Variants in GAB2 observed in about 807,000 individuals in gnomAD.
The protein encoded by GAB2 is GRB2 associated binding protein 2.
Under a neutral mutation model 65.5 loss-of-function variants are expected in GAB2, and 26 were observed. The ratio of observed to expected loss-of-function variants is 0.40; its 90% CI spans 0.29 to 0.55. GAB2 has a LOEUF of 0.55. Among genes scored for constraint, GAB2 ranks in the 20% least tolerant of loss-of-function variants. The probability of loss-of-function intolerance (pLI) is 0.53; values close to 1 mark genes in which losing one functional copy is unlikely to be tolerated. For missense variants in GAB2, 884 were observed against 875.8 expected, an observed-to-expected ratio of 1.01 and a Z score of -0.12; for synonymous variants, 321 against 329.6, an observed-to-expected ratio of 0.97 and a Z score of 0.28.
chr11:78,300,540 TACC>T (rs1235454243), intron 1 of GAB2, among the ~76,000 whole-genome samples: 16 of 40,830 alleles, frequency 3.9e-4, no homozygotes, highest in East Asian at 3.2e-3. Context: ...AACAAAAAAC[TACC>T]ACATTGTTTT....
At chr11:78,387,940 A>C (rs1856789406) in intron 1 of GAB2, 1 of 152,216 alleles carries the variant, frequency 6.6e-6, no homozygotes, top group South Asian at 2.1e-4. Flanking sequence ...CAAAATGGAG[A>C]AAATAAAAGT....
intron 1 of GAB2, among the ~76,000 whole-genome samples, chr11:78,409,301 A>G (rs1288847103): frequency 6.6e-6 from 1 of 152,174 alleles, no homozygotes; most frequent in African/African-American, 2.4e-5. Context: ...ATTGAACAAC[A>G]GGGCTGGGTG....
chr11:78,301,958 A>G (rs910743834), intron 1 of GAB2, among the ~76,000 whole-genome samples: 1 of 152,224 alleles, frequency 6.6e-6, no homozygotes, highest in Non-Finnish European at 1.5e-5. Flanking sequence ...CCTATTCAAC[A>G]AACAGTGCTG....
At chr11:78,309,980 G>GCA (rs1855461587) in intron 1 of GAB2, among the ~76,000 whole-genome samples, 2 of 150,440 alleles carry the variant, frequency 1.3e-5, no homozygotes, top group South Asian at 4.2e-4. Context: ...GTGCGCGCGC[G>GCA]CCTGTGTGTG....
At chr11:78,362,795 T>TAC (rs2051545229) in intron 1 of GAB2, among the ~76,000 whole-genome samples, 1 of 152,010 alleles carries the variant, frequency 6.6e-6, no homozygotes, top group East Asian at 1.9e-4. Flanking sequence ...ATAAAGCATA[T>TAC]ACATTACTCA....
At chr11:78,329,938 A>G (rs972651835) in intron 1 of GAB2, among the ~76,000 whole-genome samples, 1 of 152,222 alleles carries the variant, frequency 6.6e-6, no homozygotes, top group Non-Finnish European at 1.5e-5. Context: ...ACTTGCATTC[A>G]TATAAGACTG....
At chr11:78,220,584 T>C (rs1864375882) in intron 8 of GAB2, 140 bp from the exon 9 acceptor site, 1 of 627,478 alleles carries the variant, frequency 1.6e-6, no homozygotes, top group African/African-American at 1.9e-5. Context: ...CTTTTCATGT[T>C]TTCATTTTAA....
intron 1 of GAB2, among the ~76,000 whole-genome samples, chr11:78,305,043 C>A (rs770549315): frequency 1.3e-5 from 2 of 152,196 alleles, no homozygotes; most frequent in Non-Finnish European, 2.9e-5. Flanking sequence ...CTAGAGATAG[C>A]ACGGGAACTG....
Position 78,393,670 on chromosome 11 carries a change from A to C in GAB2, c.75+23976T>G, listed in dbSNP as rs138556255. 2.2e-3 allele frequency among the ~76,000 whole-genome samples: 334 copies of C among 152,370 alleles called. 1 individual carries two copies. The highest frequency in any genetic ancestry group is 7.4e-3 in the African/African-American group (309 of 41,590). Reference sequence around the variant, plus strand: ...AAAAGTCTTTGCTCTAAAGATCATCACAGCATTATCTATTATAAAATAGCG... The same window carrying C: ...AAAAGTCTTTGCTCTAAAGATCATCCCAGCATTATCTATTATAAAATAGCG... On this transcript the variant is annotated intron_variant, in intron 1 of 9. Transcript: ENST00000361507.
At chr11:78,403,143 A>G (rs1856996214) in intron 1 of GAB2, among the ~76,000 whole-genome samples, 1 of 152,240 alleles carries the variant, frequency 6.6e-6, no homozygotes, top group African/African-American at 2.4e-5. Context: ...TCTGTTGCTT[A>G]TAAACCACCC....
intron 1 of GAB2, among the ~76,000 whole-genome samples, chr11:78,310,947 G>A (rs565981247): frequency 2.0e-5 from 3 of 152,124 alleles, no homozygotes; most frequent in Non-Finnish European, 4.4e-5. Flanking sequence ...CCTTACTAAA[G>A]GTTTTTTCTT....
At chr11:78,307,631 A>G (rs1307241943) in intron 1 of GAB2, among the ~76,000 whole-genome samples, 1 of 151,412 alleles carries the variant, frequency 6.6e-6, no homozygotes, top group Non-Finnish European at 1.5e-5. Context: ...AGAGAGAGAG[A>G]GAGATGTTGA....
At chr11:78,224,020 T>C (rs1864547451) in intron 5 of GAB2, among the ~76,000 whole-genome samples, 1 of 152,070 alleles carries the variant, frequency 6.6e-6, no homozygotes, top group East Asian at 1.9e-4. Context: ...AGGCCAAGGT[T>C]GTAGTGAGCC....
intron 1 of GAB2, among the ~76,000 whole-genome samples, chr11:78,331,369 C>G (rs1271735832): frequency 1.3e-5 from 2 of 151,562 alleles, no homozygotes; most frequent in African/African-American, 4.8e-5. Context: ...CCTCAGCCTC[C>G]CCAGTAGCTG....
At chr11:78,307,377 G>T (rs558783834) in intron 1 of GAB2, among the ~76,000 whole-genome samples, 1 of 152,196 alleles carries the variant, frequency 6.6e-6, no homozygotes, top group South Asian at 2.1e-4. Flanking sequence ...TAAAAGCAAG[G>T]TTGCTTTAAA....
At chr11:78,313,347 C>T (rs1340188410) in intron 1 of GAB2, among the ~76,000 whole-genome samples, 2 of 152,172 alleles carry the variant, frequency 1.3e-5, no homozygotes, top group African/African-American at 4.8e-5. Context: ...TTTTACATGT[C>T]AAGCACCTCA....
Position 78,314,395 on chromosome 11 carries a change from C to A in GAB2, c.76-33494G>T, listed in dbSNP as rs546446688. Among the ~76,000 whole-genome samples the A allele has an allele frequency of 4.6e-5, 7 of 152,318 alleles. No homozygotes were observed. The South Asian group carries it at 1.4e-3, about 32-fold the overall frequency. ...TTAATACAACCACTTAGGAAGTAGA[C>A]GCTATTATCCTCATTTTGTAGATGA... On this transcript the variant is annotated intron_variant, in intron 1 of 9. Coordinates refer to ENST00000361507, the MANE Select transcript of GAB2 (RefSeq NM_080491.3).
intron 1 of GAB2, among the ~76,000 whole-genome samples, chr11:78,354,855 C>G (rs1856333828): frequency 6.6e-6 from 1 of 152,166 alleles, no homozygotes; most frequent in South Asian, 2.1e-4. Context: ...CTCTTCACCA[C>G]TACTCAAGCA....
At chr11:78,393,255 T>C (rs1471336274) in intron 1 of GAB2, among the ~76,000 whole-genome samples, 2 of 152,158 alleles carry the variant, frequency 1.3e-5, no homozygotes, top group African/African-American at 4.8e-5. Flanking sequence ...GGTCAATCTT[T>C]TCCCTCCCTA....
Sources: gnomAD v4.1 joint callset for allele counts (sites outside exome capture counted in the v4.1 genomes callset) on GRCh38, gnomAD v4.1.1 for gene constraint, MANE v1.5 for transcripts, NCBI Gene and HGNC (gene_info 2026-07-23, HGNC 2026-07-21) for gene names.